The following PEAK1 variants were observed in gnomAD, a reference collection of about 807,000 sequenced individuals.
PEAK1 encodes inactive tyrosine-protein kinase PEAK1.
PEAK1 carries 54 observed loss-of-function variants against 124.7 expected under a neutral mutation model. That is an observed-to-expected ratio of 0.43 (90% CI 0.35 to 0.54). PEAK1 has a LOEUF of 0.54. PEAK1 is among the 20% of genes least tolerant of loss of function. PEAK1 has a pLI of 0.01. For missense variants in PEAK1, 2,046 were observed against 2,134.5 expected, an observed-to-expected ratio of 0.96 and a Z score of 0.82; for synonymous variants, 719 against 760.0, an observed-to-expected ratio of 0.95 and a Z score of 0.89.
At chr15:77,177,161 G>GAGAC (rs2056935327) in intron 7 of PEAK1, among the ~76,000 whole-genome samples, 2 of 152,170 alleles carry the variant, frequency 1.3e-5, no homozygotes, top group East Asian at 3.9e-4. Flanking sequence ...TCACCATGTT[G>GAGAC]GCAAGGCTGG....
chr15:77,335,160 A>G (rs2066120473), intron 2 of PEAK1: 1 of 985,470 alleles, frequency 1.0e-6, no homozygotes, highest in Non-Finnish European at 1.2e-6. Context: ...TGTGCTTTGT[A>G]GGAACATGCA....
chr15:77,129,129 T>G (rs549297970), intron 9 of PEAK1, among the ~76,000 whole-genome samples: 3 of 152,198 alleles, frequency 2.0e-5, no homozygotes, highest in African/African-American at 4.8e-5. Context: ...GCCTCTCCCT[T>G]GCACTCTCTT....
chr15:77,180,521 T>C lies in PEAK1; in HGVS notation c.1406A>G (p.Gln469Arg), dbSNP rs770133239. The change falls in exon 7 of 10, where the codon CAG (glutamine) becomes CGG (arginine). Residue 469 changes from glutamine (Q) to arginine (R), a missense_variant. Transcript: ENST00000682557. ...GACAGTATATGGCTTGCACAATGGC[T>C]GTTCCAGGTTCACAACTCGGTAAGG... is the stretch of plus-strand genomic sequence containing the variant. ...AKPYRVVNLE[Q>R]PLCKPYTVVD... The C allele has an allele frequency of 5.0e-6, 8 of 1,614,154 alleles. No individual in the cohort carries two copies. Among genetic ancestry groups the C allele is most frequent in the Non-Finnish European group, 6.8e-6 (8 of 1,180,020 alleles).
intron 9 of PEAK1, among the ~76,000 whole-genome samples, chr15:77,127,592 G>A (rs1281256729): frequency 2.6e-5 from 4 of 152,302 alleles, no homozygotes; most frequent in African/African-American, 9.6e-5. Flanking sequence ...GAACTTAGCA[G>A]GACTGTGTTT....
intron 1 of PEAK1, chr15:77,419,498 C>T: frequency 3.0e-6 from 3 of 985,266 alleles, no homozygotes; most frequent in Non-Finnish European, 3.6e-6. Context: ...GGCAGGGAGC[C>T]ACCCGGCTCC....
chr15:77,250,709 A>G (rs1036721058), intron 6 of PEAK1, among the ~76,000 whole-genome samples: 4 of 152,152 alleles, frequency 2.6e-5, no homozygotes, highest in Non-Finnish European at 5.9e-5. Context: ...CTGGGATTAC[A>G]GGCGTATGCC....
At chr15:77,247,485 C>CTTTTTCT (rs2060645650) in intron 6 of PEAK1, among the ~76,000 whole-genome samples, 1 of 84,298 alleles carries the variant, frequency 1.2e-5, no homozygotes, top group African/African-American at 4.7e-5. Flanking sequence ...CTTTTCTTTT[C>CTTTTTCT]TTTTTTTTTT....
chr15:77,345,988 T>C, intron 2 of PEAK1: 1 of 985,360 alleles, frequency 1.0e-6, no homozygotes, highest in Non-Finnish European at 1.2e-6. Flanking sequence ...TACAACTGAA[T>C]AAATTAATAC....
chr15:77,196,255 C>T (rs888329582), intron 6 of PEAK1, among the ~76,000 whole-genome samples: 2 of 152,270 alleles, frequency 1.3e-5, no homozygotes, highest in African/African-American at 2.4e-5. Flanking sequence ...CAATCCTGCA[C>T]GACAGGTTGC....
chr15:77,318,691 A>C (rs1046251528), intron 2 of PEAK1, among the ~76,000 whole-genome samples: 1 of 151,892 alleles, frequency 6.6e-6, no homozygotes, highest in Non-Finnish European at 1.5e-5. Flanking sequence ...AATATAATTT[A>C]TAATTTATTA....
At chr15:77,397,846 G>C (rs1194383481) in intron 1 of PEAK1, among the ~76,000 whole-genome samples, 2 of 152,036 alleles carry the variant, frequency 1.3e-5, no homozygotes, top group East Asian at 1.9e-4. Flanking sequence ...GATCACCTGA[G>C]GTCGGGAGTT....
At chr15:77,293,445 C>T (rs906111378) in intron 2 of PEAK1, among the ~76,000 whole-genome samples, 1 of 152,186 alleles carries the variant, frequency 6.6e-6, no homozygotes, top group African/African-American at 2.4e-5. Context: ...ATTTCCCCCT[C>T]TTTGAATATG....
At chr15:77,176,913 T>C (rs754679787) in intron 7 of PEAK1, among the ~76,000 whole-genome samples, 7 of 152,176 alleles carry the variant, frequency 4.6e-5, no homozygotes, top group Non-Finnish European at 8.8e-5. Context: ...ACTCCAACCA[T>C]TTGCTGTTTA....
intron 1 of PEAK1, among the ~76,000 whole-genome samples, chr15:77,372,396 A>T (rs2068707554): frequency 6.6e-6 from 1 of 152,196 alleles, no homozygotes; most frequent in South Asian, 2.1e-4. Context: ...ATAGCCATTA[A>T]GCAAAATTAG....
At chr15:77,247,893 T>C (rs1177036670) in intron 6 of PEAK1, among the ~76,000 whole-genome samples, 3 of 152,176 alleles carry the variant, frequency 2.0e-5, no homozygotes, top group Non-Finnish European at 4.4e-5. Flanking sequence ...TTCTTGAAGA[T>C]TTTTTTGTCT....
chr15:77,380,038 T>C (rs1387391142), intron 1 of PEAK1, among the ~76,000 whole-genome samples: 1 of 152,252 alleles, frequency 6.6e-6, no homozygotes, highest in Non-Finnish European at 1.5e-5. Flanking sequence ...AAATCCTTAC[T>C]ATATTTCCTT....
chr15:77,168,810 T>A (rs575942966), intron 7 of PEAK1, among the ~76,000 whole-genome samples: 23 of 152,144 alleles, frequency 1.5e-4, no homozygotes, highest in Non-Finnish European at 2.9e-4. Flanking sequence ...AACCAGAAGT[T>A]GGGGTTTGGA....
chr15:77,168,050 C>G (rs2056235599), intron 7 of PEAK1, among the ~76,000 whole-genome samples: 1 of 152,000 alleles, frequency 6.6e-6, no homozygotes, highest in South Asian at 2.1e-4. Flanking sequence ...ATCCATGTCT[C>G]TACAAAGGAC....
chr15:77,402,536 GA>G lies in PEAK1; in HGVS notation c.-666+17469del, dbSNP rs141127896. 2.3e-4 allele frequency: 222 copies of G among 972,570 alleles called. 3 individuals carry two copies. The East Asian group carries it at 0.02, about 87-fold the overall frequency. 60.2% of individuals were successfully genotyped at this position (972,570 alleles called of 1,614,324 possible). A position where few individuals can be genotyped will look rare whatever the true frequency, so the allele number is the denominator to read the frequency against. On this transcript the variant is annotated intron_variant, in intron 1 of 9. Transcript: ENST00000682557. The stretch of plus-strand genomic sequence containing the variant: ...TATATAATTATCATGTGAAGAAAAA[GA>G]AAAAATCAAGTTTAATCTGATTATC...
Sources: allele counts gnomAD v4.1 joint callset (sites outside exome capture counted in the v4.1 genomes callset), GRCh38; gene constraint gnomAD v4.1.1; transcripts MANE v1.5; gene names NCBI Gene and HGNC (gene_info 2026-07-23, HGNC 2026-07-21).